The following ALPL variants were observed in gnomAD, a reference collection of about 807,000 sequenced individuals.
ALPL encodes the protein alkaline phosphatase, tissue-nonspecific isozyme.
A neutral mutation model predicts 51.3 loss-of-function variants in ALPL; 42 were observed. The ratio of observed to expected loss-of-function variants is 0.82; its 90% CI spans 0.64 to 1.06. The LOEUF (loss-of-function observed/expected upper bound fraction) is 1.06, where lower values mean the gene tolerates loss of function less well. Ranked by LOEUF, ALPL falls within the 50% of genes least tolerant of loss-of-function variation. The probability of loss-of-function intolerance (pLI) is 0.00; values close to 1 mark genes in which losing one functional copy is unlikely to be tolerated. For missense variants in ALPL, 589 were observed against 709.4 expected (o/e 0.83, Z 1.93); for synonymous variants, 279 against 296.4 (o/e 0.94, Z 0.60).
chr1:21,560,703 A>G lies in ALPL; in HGVS notation c.139A>G (p.Asn47Asp). The G allele has an allele frequency of 6.2e-7, 1 of 1,614,184 alleles. No homozygotes were observed. The highest frequency in any genetic ancestry group is 1.1e-5 in the South Asian group (1 of 91,084). The change falls in exon 3 of 12, where the codon AAC becomes GAC. Residue 47 changes from asparagine to aspartate, a missense_variant. Transcript: ENST00000374840. ...LKYALELQKL[N>D]TNVAKNVIMF... ...ATATGCCCTGGAGCTTCAGAAGCTC[A>G]ACACCAACGTGGCTAAGAATGTCAT...
In ALPL at chr1:21,577,967, C is replaced by T. The variant is rs1570311633; in HGVS notation, c.*319C>T. The T allele has an allele frequency of 2.1e-6, 1 of 479,972 alleles. No individual in the cohort carries two copies. The highest frequency in any genetic ancestry group is 3.7e-5 in the East Asian group (1 of 27,168). 29.7% of individuals were successfully genotyped at this position (479,972 alleles called of 1,614,324 possible). A position where few individuals can be genotyped will look rare whatever the true frequency, so the allele number is the denominator to read the frequency against. Reference sequence around the variant, plus strand: ...TATTTTTCTAGCGAACGTATTTCTCCAGACCCAGAGGCCCTGAAGCCTCCG... The same window carrying T: ...TATTTTTCTAGCGAACGTATTTCTCTAGACCCAGAGGCCCTGAAGCCTCCG... On this transcript the variant is annotated 3_prime_UTR_variant, in exon 12 of 12. Coordinates refer to ENST00000374840, the MANE Select transcript of ALPL (RefSeq NM_000478.6).
chr1:21,532,976 G>C (rs188432726), intron 1 of ALPL, among the ~76,000 whole-genome samples: 9 of 152,316 alleles, frequency 5.9e-5, no homozygotes, highest in Admixed American at 5.2e-4. Flanking sequence ...TGTTGGGTTA[G>C]AGTATTCCTA....
At chr1:21,511,172 A>G (rs1354029081) in intron 1 of ALPL, among the ~76,000 whole-genome samples, 3 of 152,240 alleles carry the variant, frequency 2.0e-5, no homozygotes, top group African/African-American at 4.8e-5. Flanking sequence ...GGATGTTTGC[A>G]TAACAAAATT....
intron 1 of ALPL, among the ~76,000 whole-genome samples, chr1:21,546,895 A>G (rs927084632): frequency 6.6e-6 from 1 of 152,190 alleles, no homozygotes; most frequent in African/African-American, 2.4e-5. Flanking sequence ...GTAAGCACCA[A>G]CTCAGATTTC....
intron 1 of ALPL, among the ~76,000 whole-genome samples, chr1:21,517,809 T>C (rs1392173059): frequency 6.6e-6 from 1 of 152,124 alleles, no homozygotes; most frequent in Non-Finnish European, 1.5e-5. Context: ...CCAGCATGTC[T>C]CCTTCCTCTC....
chr1:21,566,515 T>C (rs1644567093), intron 6 of ALPL, among the ~76,000 whole-genome samples: 1 of 152,078 alleles, frequency 6.6e-6, no homozygotes. Flanking sequence ...GGTCTCAAAC[T>C]CTGGACCTCA....
chr1:21,568,380 C>T (rs901264436), intron 7 of ALPL, 133 bp downstream of exon 7: 1 of 1,222,424 alleles, frequency 8.2e-7, no homozygotes, highest in Non-Finnish European at 1.2e-6. Flanking sequence ...GCTCAAATGG[C>T]CTAAGAGATA....
intron 1 of ALPL, among the ~76,000 whole-genome samples, chr1:21,552,694 C>A (rs1419642134): frequency 6.6e-6 from 1 of 152,088 alleles, no homozygotes; most frequent in East Asian, 1.9e-4. Context: ...GGATTACAGG[C>A]ATGTTACCAC....
chr1:21,548,335 T>G (rs116658923), intron 1 of ALPL, among the ~76,000 whole-genome samples: 19 of 152,286 alleles, frequency 1.2e-4, no homozygotes, highest in South Asian at 2.1e-4. Flanking sequence ...GTCCCCACCC[T>G]CTCCTTGTCC....
intron 8 of ALPL, 28 bp from the exon 9 acceptor site, chr1:21,573,637 A>C: frequency 6.2e-7 from 1 of 1,612,456 alleles, no homozygotes; most frequent in Non-Finnish European, 8.5e-7. Context: ...GCCTCTCAGC[A>C]TCCACATCCT....
At chr1:21,530,908 G>A (rs1464230645) in intron 1 of ALPL, among the ~76,000 whole-genome samples, 1 of 148,844 alleles carries the variant, frequency 6.7e-6, no homozygotes, top group South Asian at 2.1e-4. Flanking sequence ...AGTCTCCTAA[G>A]TAGCTGGGAC....
chr1:21,573,880 G>T, intron 9 of ALPL, 81 bp downstream of exon 9: 1 of 1,599,494 alleles, frequency 6.3e-7, no homozygotes, highest in Non-Finnish European at 8.5e-7. Context: ...GCTCTTAAAG[G>T]GAACTGACTG....
intron 1 of ALPL, among the ~76,000 whole-genome samples, chr1:21,541,742 T>C (rs1046680913): frequency 6.6e-6 from 1 of 152,088 alleles, no homozygotes; most frequent in African/African-American, 2.4e-5. Flanking sequence ...GAGGGATTCA[T>C]TGGTTGGACA....
At chr1:21,541,473 C>G (rs571059107) in intron 1 of ALPL, among the ~76,000 whole-genome samples, 1 of 152,352 alleles carries the variant, frequency 6.6e-6, no homozygotes, top group South Asian at 2.1e-4. Flanking sequence ...CACCCACCCT[C>G]TGACCCCATC....
chr1:21,516,556 A>G (rs1307713006), intron 1 of ALPL, among the ~76,000 whole-genome samples: 1 of 152,064 alleles, frequency 6.6e-6, no homozygotes, highest in Non-Finnish European at 1.5e-5. Flanking sequence ...CGGAAACACA[A>G]ACTCCCCCAG....
chr1:21,534,194 T>G (rs534269033), intron 1 of ALPL, among the ~76,000 whole-genome samples: 2 of 152,326 alleles, frequency 1.3e-5, no homozygotes, highest in African/African-American at 4.8e-5. Context: ...CAGGCTGGTC[T>G]TGAAATCCTG....
chr1:21,511,347 C>A (rs1448603305), intron 1 of ALPL, among the ~76,000 whole-genome samples: 1 of 152,198 alleles, frequency 6.6e-6, no homozygotes, highest in African/African-American at 2.4e-5. Flanking sequence ...AGTTCTGTTC[C>A]CTCTCTGTGC....
intron 1 of ALPL, among the ~76,000 whole-genome samples, chr1:21,513,820 TG>T (rs1458968897): frequency 1.3e-5 from 2 of 152,230 alleles, no homozygotes; most frequent in Non-Finnish European, 2.9e-5. Context: ...TGTGGCCATA[TG>T]GGGCTATGTC....
intron 1 of ALPL, among the ~76,000 whole-genome samples, chr1:21,548,848 G>A (rs184517976): frequency 5.9e-5 from 9 of 152,226 alleles, no homozygotes; most frequent in East Asian, 1.9e-4. Flanking sequence ...GTCCTTGTAC[G>A]TTACACAGCA....
Sources: gnomAD v4.1 joint callset for allele counts (sites outside exome capture counted in the v4.1 genomes callset) on GRCh38, gnomAD v4.1.1 for gene constraint, MANE v1.5 for transcripts, NCBI Gene and HGNC (gene_info 2026-07-23, HGNC 2026-07-21) for gene names.